The following JARID2 variants were observed in gnomAD, a reference collection of about 807,000 sequenced individuals.
The protein encoded by JARID2 is protein Jumonji.
Under a neutral mutation model 125.6 loss-of-function variants are expected in JARID2, and 21 were observed. That is an observed-to-expected ratio of 0.17 (90% confidence interval 0.12 to 0.24). JARID2 has a LOEUF of 0.24. Ranked by LOEUF, JARID2 falls within the 10% of genes least tolerant of loss-of-function variation. The pLI is 1.00. For missense variants in JARID2, 1,303 were observed against 1,639.6 expected (o/e 0.79, Z 3.55); for synonymous variants, 736 against 661.6 (o/e 1.11, Z -1.73).
intron 2 of JARID2, among the ~76,000 whole-genome samples, chr6:15,380,728 C>A (rs1349401007): frequency 1.3e-5 from 2 of 152,142 alleles, no homozygotes; most frequent in South Asian, 2.1e-4. Flanking sequence ...CAGAATCTTT[C>A]AGTCATTTCC....
At chr6:15,411,197 C>A (rs1362031191) in intron 3 of JARID2, among the ~76,000 whole-genome samples, 1 of 151,962 alleles carries the variant, frequency 6.6e-6, no homozygotes, top group Non-Finnish European at 1.5e-5. Context: ...AAAAAAAAAT[C>A]CCCCTTGTCA....
chr6:15,325,342 C>A (rs887699088), intron 1 of JARID2, among the ~76,000 whole-genome samples: 18 of 152,128 alleles, frequency 1.2e-4, no homozygotes, highest in African/African-American at 3.9e-4. Flanking sequence ...ATATTGTAAT[C>A]TATCCTTTTT....
chr6:15,276,993 G>A (rs576084467), intron 1 of JARID2, among the ~76,000 whole-genome samples: 26 of 152,302 alleles, frequency 1.7e-4, no homozygotes, highest in South Asian at 4.1e-4. Context: ...CATGAAGTTC[G>A]TTAGAAGATG....
At chr6:15,418,067 G>A (rs1317785442) in intron 3 of JARID2, among the ~76,000 whole-genome samples, 2 of 152,152 alleles carry the variant, frequency 1.3e-5, no homozygotes, top group Non-Finnish European at 1.5e-5. Context: ...AGCTTGGTGC[G>A]ACCTAGTATT....
chr6:15,491,659 G>A (rs1770157587), intron 6 of JARID2, among the ~76,000 whole-genome samples: 1 of 152,190 alleles, frequency 6.6e-6, no homozygotes, highest in Non-Finnish European at 1.5e-5. Flanking sequence ...TTTTTGCTTA[G>A]TTAACCAAAA....
rs142320730 is a variant in JARID2, at chr6:15,261,189, A to G, written c.45+14605A>G. On this transcript the variant is annotated intron_variant, in intron 1 of 17. Coordinates refer to ENST00000341776, the MANE Select transcript of JARID2 (RefSeq NM_004973.4). Reference sequence around the variant, plus strand: ...AGTCCTATTACTACTCCCTTTGTACATGGAGGTCATCCCAATAAAGAAAGG... The same window carrying G: ...AGTCCTATTACTACTCCCTTTGTACGTGGAGGTCATCCCAATAAAGAAAGG... Among the ~76,000 whole-genome samples the G allele has an allele frequency of 9.9e-3, 1,503 of 152,248 alleles. 16 individuals are homozygous for G. The highest frequency in any genetic ancestry group is 0.013 in the Non-Finnish European group (895 of 68,008).
rs548886018 is a variant in JARID2, at chr6:15,274,239, A to G, written c.45+27655A>G. On this transcript the variant is annotated intron_variant, in intron 1 of 17. Coordinates refer to ENST00000341776, the MANE Select transcript of JARID2 (RefSeq NM_004973.4). ...GCCACTGTGCCTGGCCTGCTTCTCT[A>G]TCTTTGAAAAAGGAGTTTTTGGGGG... 2.8e-3 allele frequency among the ~76,000 whole-genome samples: 429 copies of G among 152,086 alleles called. 3 individuals are homozygous for G. The highest frequency in any genetic ancestry group is 9.6e-3 in the African/African-American group (400 of 41,468).
rs1393398070 is a variant in JARID2 at position 15,496,416 on chromosome 6, C to G, written c.1191C>G (p.Ser397=). The change falls in exon 7 of 18, where the codon TCC becomes TCG. Residue 397 remains serine (S), a synonymous_variant. Transcript: ENST00000341776. ...RKQVLSLGGA[S]KSTGPAVNGL... is the part of the protein sequence containing the mutation. Reference sequence around the variant, plus strand: ...AGGTGCTATCCCTCGGGGGGGCGTCCAAGTCCACTGGGCCCGCCGTCAATG... The same window carrying G: ...AGGTGCTATCCCTCGGGGGGGCGTCGAAGTCCACTGGGCCCGCCGTCAATG... 2 of 1,613,736 alleles carry G rather than the reference C, an allele frequency of 1.2e-6. No homozygotes were observed. Among genetic ancestry groups the G allele is most frequent in the East Asian group, 2.2e-5 (1 of 44,874 alleles).
intron 3 of JARID2, among the ~76,000 whole-genome samples, chr6:15,414,163 T>A (rs1211544879): frequency 6.6e-6 from 1 of 152,128 alleles, no homozygotes; most frequent in Admixed American, 6.6e-5. Flanking sequence ...TGTATGTGCT[T>A]GACTTCCTTC....
At chr6:15,511,264 C>T in intron 12 of JARID2, 32 bp from the exon 13 acceptor site, 3 of 1,497,840 alleles carry the variant, frequency 2.0e-6, no homozygotes, top group Non-Finnish European at 1.9e-6. Context: ...TGTCAAGTCT[C>T]TGCTTGTCTC....
intron 3 of JARID2, among the ~76,000 whole-genome samples, chr6:15,436,000 C>T (rs1190741138): frequency 6.6e-6 from 1 of 152,144 alleles, no homozygotes; most frequent in Non-Finnish European, 1.5e-5. Flanking sequence ...CAGTGCCCCG[C>T]TGCTCATACC....
intron 2 of JARID2, among the ~76,000 whole-genome samples, chr6:15,392,075 TGTG>T (rs1765037833): frequency 1.7e-5 from 1 of 59,282 alleles, no homozygotes; most frequent in South Asian, 5.3e-4. Context: ...TGTGTGTGTG[TGTG>T]CGTGTCTGGA....
At chr6:15,248,935 TC>T in intron 1 of JARID2, 4 of 985,764 alleles carry the variant, frequency 4.1e-6, no homozygotes, top group Non-Finnish European at 4.8e-6. Context: ...GCCTCTGCCT[TC>T]CGCTCCGGAG....
At chr6:15,297,378 G>T (rs1281163240) in intron 1 of JARID2, among the ~76,000 whole-genome samples, 1 of 151,864 alleles carries the variant, frequency 6.6e-6, no homozygotes, top group Admixed American at 6.6e-5. Flanking sequence ...TTGAACTCCT[G>T]ACCTCATGAT....
chr6:15,412,585 G>C (rs764648783), intron 3 of JARID2, among the ~76,000 whole-genome samples: 9 of 152,210 alleles, frequency 5.9e-5, no homozygotes, highest in Non-Finnish European at 8.8e-5. Context: ...TTATAGGCGT[G>C]AGTCACCACA....
At chr6:15,504,442 A>C in intron 8 of JARID2, 58 bp from the exon 9 acceptor site, 1 of 1,326,482 alleles carries the variant, frequency 7.5e-7, no homozygotes, top group Non-Finnish European at 1.1e-6. Flanking sequence ...GTCTGGCCTC[A>C]TTTGCAGTAG....
At chr6:15,480,664 G>A (rs1161084456) in intron 5 of JARID2, among the ~76,000 whole-genome samples, 2 of 152,118 alleles carry the variant, frequency 1.3e-5, no homozygotes, top group African/African-American at 4.8e-5. Context: ...TCTTATATTT[G>A]CGCAACTCCT....
chr6:15,368,818 T>A (rs1162349251), intron 1 of JARID2: 1 of 445,872 alleles, frequency 2.2e-6, no homozygotes, highest in East Asian at 7.0e-5. Context: ...AGGTTTCATC[T>A]TTTCTTTCTG....
chr6:15,460,608 A>G (rs1362289612), intron 4 of JARID2, among the ~76,000 whole-genome samples: 1 of 152,230 alleles, frequency 6.6e-6, no homozygotes, highest in African/African-American at 2.4e-5. Flanking sequence ...CAGCTTCTCC[A>G]TTGGGAACTG....
Sources: allele counts gnomAD v4.1 joint callset (sites outside exome capture counted in the v4.1 genomes callset), GRCh38; gene constraint gnomAD v4.1.1; transcripts MANE v1.5; gene names NCBI Gene and HGNC (gene_info 2026-07-23, HGNC 2026-07-21).